Variants in PKNOX2 observed in about 807,000 individuals in gnomAD.
PKNOX2 encodes homeobox protein PKNOX2.
PKNOX2 carries 14 observed loss-of-function variants against 53.1 expected under a neutral mutation model. The observed-to-expected ratio is 0.26, with a 90% confidence interval of 0.17 to 0.41. PKNOX2 has a LOEUF of 0.41. PKNOX2 is among the 10% of genes least tolerant of loss of function. The pLI is 1.00. For missense variants in PKNOX2, 496 were observed against 602.8 expected (o/e 0.82, Z 1.85); for synonymous variants, 257 against 242.8 (o/e 1.06, Z -0.54).
At chr11:125,203,048 T>C (rs1938630239) in intron 1 of PKNOX2, among the ~76,000 whole-genome samples, 2 of 152,174 alleles carry the variant, frequency 1.3e-5, no homozygotes. Flanking sequence ...CTGGGGACCA[T>C]GGTGCTAGGC....
At chr11:125,262,196 C>T (rs534612563) in intron 2 of PKNOX2, among the ~76,000 whole-genome samples, 1 of 152,130 alleles carries the variant, frequency 6.6e-6, no homozygotes, top group Admixed American at 6.5e-5. Flanking sequence ...AGGGGCCAGA[C>T]AGTGAGACAG....
intron 1 of PKNOX2, among the ~76,000 whole-genome samples, chr11:125,171,256 T>A (rs1955299975): frequency 6.6e-6 from 1 of 152,220 alleles, no homozygotes; most frequent in Non-Finnish European, 1.5e-5. Flanking sequence ...CCCTTTGTTC[T>A]TCCATTCAGC....
intron 2 of PKNOX2, among the ~76,000 whole-genome samples, chr11:125,255,753 T>C (rs1944362713): frequency 6.6e-6 from 1 of 152,144 alleles, no homozygotes; most frequent in Non-Finnish European, 1.5e-5. Context: ...TGTTCACTTC[T>C]GGAAGTCGCC....
intron 1 of PKNOX2, among the ~76,000 whole-genome samples, chr11:125,234,029 C>T (rs1312991494): frequency 6.6e-6 from 1 of 152,182 alleles, no homozygotes; most frequent in South Asian, 2.1e-4. Context: ...ATCCCAGGAC[C>T]CTCCATGCCT....
chr11:125,189,421 G>GTATA (rs1956676395), intron 1 of PKNOX2, among the ~76,000 whole-genome samples: 2 of 44,670 alleles, frequency 4.5e-5, no homozygotes, highest in Non-Finnish European at 8.1e-5. Context: ...ATATGTGTGT[G>GTATA]TGTGTGTGTG....
intron 5 of PKNOX2, among the ~76,000 whole-genome samples, chr11:125,383,798 T>A (rs569782155): frequency 4.6e-5 from 7 of 152,140 alleles, no homozygotes; most frequent in African/African-American, 1.7e-4. Flanking sequence ...CAGTGGAGAT[T>A]GCAGAACATT....
chr11:125,419,452 GAA>G lies in PKNOX2; in HGVS notation c.936+7600_936+7601del, dbSNP rs11309457. On this transcript the variant is annotated intron_variant, in intron 10 of 12. Transcript: ENST00000298282. Reference sequence around the variant, plus strand: ...AAAGCAAGAACCCCTGAAAAAAAAAGAAAAAAAAAAAAAACAAGAAAATGGCT... The same window carrying G: ...AAAGCAAGAACCCCTGAAAAAAAAAGAAAAAAAAAAAACAAGAAAATGGCT... Among the ~76,000 whole-genome samples, 640 of 137,778 alleles carry G rather than the reference GAA, an allele frequency of 4.6e-3. 5 individuals are homozygous for G. The highest frequency in any genetic ancestry group is 7.4e-3 in the Non-Finnish European group (480 of 64,862). 90.4% of individuals were successfully genotyped at this position (137,778 alleles called of 152,430 possible). A position where few individuals can be genotyped will look rare whatever the true frequency, so the allele number is the denominator to read the frequency against.
chr11:125,385,034 G>A (rs764709420), intron 5 of PKNOX2, among the ~76,000 whole-genome samples: 1 of 152,166 alleles, frequency 6.6e-6, no homozygotes, highest in Non-Finnish European at 1.5e-5. Context: ...TGCCCACCAC[G>A]TGTGGATGAG....
chr11:125,370,393 C>T lies in PKNOX2; in HGVS notation c.227+2408C>T, dbSNP rs1163880532. ...GGGTCACTGCCCCCATGGGAGCCAC[C>T]ACATGGATGTCACTTGAAGAATGGC... On this transcript the variant is annotated intron_variant, in intron 5 of 12. Transcript: ENST00000298282. The surrounding 1 kb of genome is among the most constrained non-coding windows in gnomAD (Gnocchi z 4.1). 6.6e-6 allele frequency among the ~76,000 whole-genome samples: 1 copy of T among 152,200 alleles called. No individual in the cohort carries two copies. The highest frequency in any genetic ancestry group is 2.4e-5 in the African/African-American group (1 of 41,450).
chr11:125,266,074 A>C (rs1945317989), intron 2 of PKNOX2, among the ~76,000 whole-genome samples: 1 of 152,060 alleles, frequency 6.6e-6, no homozygotes, highest in Admixed American at 6.5e-5. Context: ...ACACTTACCA[A>C]ATTTCTCAAA....
chr11:125,203,580 C>T (rs1565468456), intron 1 of PKNOX2, among the ~76,000 whole-genome samples: 2 of 152,272 alleles, frequency 1.3e-5, no homozygotes, highest in South Asian at 2.1e-4. Flanking sequence ...GTTTTTTCTC[C>T]CTCCTTGGAG....
At chr11:125,196,022 G>A (rs2135376993) in intron 1 of PKNOX2, among the ~76,000 whole-genome samples, 1 of 152,080 alleles carries the variant, frequency 6.6e-6, no homozygotes, top group South Asian at 2.1e-4. Context: ...GTGGCCTCTG[G>A]GTCTGCTTGG....
intron 2 of PKNOX2, among the ~76,000 whole-genome samples, chr11:125,292,896 G>T (rs559179088): frequency 6.6e-6 from 1 of 152,276 alleles, no homozygotes; most frequent in Non-Finnish European, 1.5e-5. Context: ...GGGGATCTCG[G>T]AGAACCAGAA....
intron 1 of PKNOX2, among the ~76,000 whole-genome samples, chr11:125,174,065 G>A (rs1955523257): frequency 6.6e-6 from 1 of 152,164 alleles, no homozygotes; most frequent in South Asian, 2.1e-4. Flanking sequence ...CCTGTGCTAG[G>A]TCTAAATGTG....
At chr11:125,298,346 G>A (rs906797455) in intron 2 of PKNOX2, among the ~76,000 whole-genome samples, 4 of 152,178 alleles carry the variant, frequency 2.6e-5, no homozygotes, top group Admixed American at 6.5e-5. Context: ...AGGGATAGAG[G>A]CCCACACAGG....
chr11:125,401,736 C>T (rs530916571), intron 7 of PKNOX2, among the ~76,000 whole-genome samples: 61 of 151,418 alleles, frequency 4.0e-4, no homozygotes, highest in Non-Finnish European at 7.9e-4. Flanking sequence ...GACACAGGAG[C>T]CTGTATGAGA....
chr11:125,223,654 G>T (rs960965022), intron 1 of PKNOX2, among the ~76,000 whole-genome samples: 12 of 152,066 alleles, frequency 7.9e-5, no homozygotes, highest in Admixed American at 3.9e-4. Flanking sequence ...TTTGAACAAG[G>T]TTCATAAACT....
At chr11:125,172,539 G>A (rs1955404626) in intron 1 of PKNOX2, among the ~76,000 whole-genome samples, 1 of 152,156 alleles carries the variant, frequency 6.6e-6, no homozygotes, top group African/African-American at 2.4e-5. Context: ...TGAGCATGGT[G>A]GATTCCACTG....
chr11:125,284,538 C>G (rs1946777261), intron 2 of PKNOX2, among the ~76,000 whole-genome samples: 1 of 152,196 alleles, frequency 6.6e-6, no homozygotes, highest in Admixed American at 6.5e-5. Context: ...GGCTTCCACC[C>G]AGCAGAAGGC....
Sources: allele counts gnomAD v4.1 joint callset (sites outside exome capture counted in the v4.1 genomes callset), GRCh38; gene constraint gnomAD v4.1.1; non-coding constraint Gnocchi (gnomAD v3.1); transcripts MANE v1.5; gene names NCBI Gene and HGNC (gene_info 2026-07-23, HGNC 2026-07-21).